Variants in CYP2J2 observed in about 807,000 individuals in gnomAD.
CYP2J2 encodes cytochrome P450 2J2.
CYP2J2 carries 41 observed loss-of-function variants against 48.8 expected under a neutral mutation model. The ratio of observed to expected loss-of-function variants is 0.84; its 90% CI spans 0.66 to 1.09. The LOEUF is 1.09. Among genes scored for constraint, CYP2J2 ranks in the 50% least tolerant of loss-of-function variants. The probability of loss-of-function intolerance (pLI) is 0.00; values close to 1 mark genes in which losing one functional copy is unlikely to be tolerated. For missense variants in CYP2J2, 644 were observed against 617.3 expected, an observed-to-expected ratio of 1.04 and a Z score of -0.46; for synonymous variants, 221 against 227.1, an observed-to-expected ratio of 0.97 and a Z score of 0.24.
At chr1:59,903,531 G>T (rs566792186) in intron 7 of CYP2J2, among the ~76,000 whole-genome samples, 1 of 152,200 alleles carries the variant, frequency 6.6e-6, no homozygotes, top group Non-Finnish European at 1.5e-5. Flanking sequence ...CTGGAGGAGA[G>T]AGTGGGGCAA....
chr1:59,963,526 T>C, the CYP2J2 span, among the ~76,000 whole-genome samples: 1 of 152,196 alleles, frequency 6.6e-6, no homozygotes, highest in African/African-American at 2.4e-5. Flanking sequence ...AGAACCTCAT[T>C]CCTGGGCTGG....
chr1:59,909,891 T>C lies in CYP2J2; in HGVS notation c.754A>G (p.Lys252Glu). 3 of 1,612,424 alleles carry C rather than the reference T, an allele frequency of 1.9e-6. No homozygotes were observed. The highest frequency in any genetic ancestry group is 1.7e-5 in the Admixed American group (1 of 59,780). ...TGAGAAACAAACAATTTCAGTTTTT[T>C]CCAGTTGCTGAAGAGAGTTTGGTGG... The part of the protein sequence containing the change: ...GPHQTLFSNW[K>E]KLKLFVSHMI... Residue 252 changes from lysine (K) to glutamate (E), a missense_variant, in exon 5 of 9, where the codon AAA becomes GAA. Coordinates refer to ENST00000371204, the MANE Select transcript of CYP2J2 (RefSeq NM_000775.4).
chr1:59,898,292 G>A lies in CYP2J2; in HGVS notation c.1330+2673C>T, dbSNP rs75684799. ...TCCCAGTCTGGACCTTAAGAGGCCTGTGTGCTTCCATTCTCCCTCTTTTGA... is the reference window on the plus strand; with the variant it reads ...TCCCAGTCTGGACCTTAAGAGGCCTATGTGCTTCCATTCTCCCTCTTTTGA... On this transcript the variant is annotated intron_variant, in intron 8 of 8. Coordinates refer to ENST00000371204, the MANE Select transcript of CYP2J2 (RefSeq NM_000775.4). 9.9e-3 allele frequency among the ~76,000 whole-genome samples: 1,515 copies of A among 152,320 alleles called. 15 individuals are homozygous for A. Among genetic ancestry groups the A allele is most frequent in the African/African-American group, 0.034 (1,428 of 41,578 alleles).
the CYP2J2 span, among the ~76,000 whole-genome samples, chr1:59,960,448 G>T: frequency 0.051 from 7,719 of 152,280 alleles, 272 homozygotes; most frequent in Admixed American, 0.1. Context: ...TACACTGAAT[G>T]GTCCAAGGCA....
chr1:59,926,477 C>T lies in CYP2J2; in HGVS notation c.210+60G>A, dbSNP rs551720787. ...ACCCCACCCACGTTGCCGGAACGTC[C>T]CTTGTGCTGCAGAACAGAGTTAGGG... On this transcript the variant is annotated intron_variant, in intron 1 of 8. Coordinates refer to ENST00000371204, the MANE Select transcript of CYP2J2 (RefSeq NM_000775.4). 743 of 1,468,826 alleles carry T rather than the reference C, an allele frequency of 5.1e-4. 8 individuals are homozygous for T. In the South Asian group the frequency reaches 8.2e-3, roughly 16 times the overall value. The allele number at this position is 1,468,826 out of a possible 1,614,324, so 91.0% of individuals were successfully genotyped here. A position where few individuals can be genotyped will look rare whatever the true frequency, so the allele number is the denominator to read the frequency against.
chr1:59,945,438 CTA>C, the CYP2J2 span, among the ~76,000 whole-genome samples: 18 of 151,884 alleles, frequency 1.2e-4, no homozygotes, highest in East Asian at 1.9e-4. Context: ...ATCTATCTAT[CTA>C]TCTCTCTATC....
intron 7 of CYP2J2, among the ~76,000 whole-genome samples, chr1:59,902,508 T>C (rs886207356): frequency 2.6e-5 from 4 of 151,998 alleles, no homozygotes; most frequent in African/African-American, 9.7e-5. Context: ...CTCCATCTCC[T>C]GGGTTCAAGC....
Position 59,925,886 on chromosome 1 carries a change from G to GA in CYP2J2, c.210+650dup, listed in dbSNP as rs1238306419. ...GCAGGAAAACCAGTATTGGTTTCTT[G>GA]AGATAGGGTTTGATGTCTGAGAGAA... On this transcript the variant is annotated intron_variant, in intron 1 of 8. Transcript: ENST00000371204. Among the ~76,000 whole-genome samples the GA allele has an allele frequency of 2.0e-5, 3 of 152,270 alleles. No homozygotes were observed. The East Asian group carries it at 5.8e-4, about 29-fold the overall frequency.
chr1:59,958,585 C>T, the CYP2J2 span, among the ~76,000 whole-genome samples: 2 of 152,180 alleles, frequency 1.3e-5, no homozygotes, highest in Non-Finnish European at 2.9e-5. Flanking sequence ...CTCCAGAGTG[C>T]TGCAGTTAGT....
the CYP2J2 span, among the ~76,000 whole-genome samples, chr1:59,967,792 C>G: frequency 6.6e-6 from 1 of 152,204 alleles, no homozygotes. Context: ...TTTGTAAGTA[C>G]TGAAATACTG....
the CYP2J2 span, among the ~76,000 whole-genome samples, chr1:59,953,506 A>ATGTGTGTG: frequency 6.7e-6 from 1 of 150,338 alleles, no homozygotes; most frequent in Non-Finnish European, 1.5e-5. Flanking sequence ...CAGTGTGTAT[A>ATGTGTGTG]TGTGTGTGTG....
intron 6 of CYP2J2, 125 bp downstream of exon 6, chr1:59,907,661 A>G: frequency 1.0e-6 from 1 of 999,270 alleles, no homozygotes; most frequent in African/African-American, 1.6e-5. Context: ...CCAAGTCCTC[A>G]TCACTCATGA....
chr1:59,965,612 G>A, the CYP2J2 span, among the ~76,000 whole-genome samples: 2 of 152,130 alleles, frequency 1.3e-5, no homozygotes, highest in Non-Finnish European at 2.9e-5. Flanking sequence ...CCTGACCAGT[G>A]GTGTACTTGG....
At chr1:59,929,947 T>C (rs1476691951), upstream of CYP2J2, among the ~76,000 whole-genome samples, 1 of 151,874 alleles carries the variant, frequency 6.6e-6, no homozygotes, top group Non-Finnish European at 1.5e-5. Flanking sequence ...TGCAAAGGAA[T>C]CCACACTCAA....
At chr1:59,918,988 T>C (rs1437263392) in intron 1 of CYP2J2, among the ~76,000 whole-genome samples, 3 of 152,082 alleles carry the variant, frequency 2.0e-5, no homozygotes, top group Admixed American at 6.6e-5. Flanking sequence ...TTTACAGAGA[T>C]TCCACTGAAT....
chr1:59,952,818 G>T, the CYP2J2 span, among the ~76,000 whole-genome samples: 1 of 152,184 alleles, frequency 6.6e-6, no homozygotes, highest in Non-Finnish European at 1.5e-5. Flanking sequence ...AGATATAGCA[G>T]CCAGCAAGGC....
chr1:59,931,074 A>C (rs1442195757), upstream of CYP2J2, among the ~76,000 whole-genome samples: 1 of 152,016 alleles, frequency 6.6e-6, no homozygotes, highest in African/African-American at 2.4e-5. Flanking sequence ...AAAGTTAACA[A>C]CTCTTCTTAG....
Position 59,926,547 on chromosome 1 carries a change from T to A in CYP2J2, c.200A>T (p.Glu67Val). Reference protein sequence around the residue: ...FLVDFEQSHLEVQLFVKKYGN... With the variant: ...FLVDFEQSHLVVQLFVKKYGN... ...TTCTCCCACTCCTACCAGCTGAACC[T>A]CCAGGTGCGACTGCTCGAAGTCCAC... Residue 67 changes from glutamate (E) to valine (V), a missense_variant, in exon 1 of 9, where the codon GAG becomes GTG. Glu to Val is a moderately radical substitution (Grantham distance 121). Coordinates refer to ENST00000371204, the MANE Select transcript of CYP2J2 (RefSeq NM_000775.4). 1.2e-6 allele frequency: 2 copies of A among 1,613,876 alleles called. No homozygotes were observed. The highest frequency in any genetic ancestry group is 8.5e-7 in the Non-Finnish European group (1 of 1,179,830).
chr1:59,958,707 C>T, the CYP2J2 span, among the ~76,000 whole-genome samples: 1 of 152,146 alleles, frequency 6.6e-6, no homozygotes, highest in Admixed American at 6.6e-5. Context: ...ATTACAGATA[C>T]GATTCATTCT....
Sources: allele counts gnomAD v4.1 joint callset (sites outside exome capture counted in the v4.1 genomes callset), GRCh38; gene constraint gnomAD v4.1.1; transcripts MANE v1.5; gene names NCBI Gene and HGNC (gene_info 2026-07-23, HGNC 2026-07-21).